The following AAK1 variants were observed in gnomAD, a reference collection of about 807,000 sequenced individuals.
AAK1 encodes AP2-associated protein kinase 1.
Under a neutral mutation model 116.0 loss-of-function variants are expected in AAK1, and 37 were observed. That is an observed-to-expected ratio of 0.32 (90% confidence interval 0.25 to 0.42). The LOEUF (loss-of-function observed/expected upper bound fraction) is 0.42, where lower values mean the gene tolerates loss of function less well. Ranked by LOEUF, AAK1 falls within the 10% of genes least tolerant of loss-of-function variation. AAK1 has a pLI of 1.00. For missense variants in AAK1, 919 were observed against 1,170.6 expected (o/e 0.79, Z 3.14); for synonymous variants, 458 against 439.9 (o/e 1.04, Z -0.51).
intron 16 of AAK1, among the ~76,000 whole-genome samples, chr2:69,497,295 CTTTTTTTTTTT>C (rs1176401016): frequency 1.6e-4 from 12 of 76,082 alleles, no homozygotes; most frequent in Admixed American, 1.5e-3. Context: ...CATTATCATT[CTTTTTTTTTTT>C]TTTTTTTTTT....
At chr2:69,564,051 G>A (rs1206030842) in intron 2 of AAK1, among the ~76,000 whole-genome samples, 2 of 152,126 alleles carry the variant, frequency 1.3e-5, no homozygotes, top group Non-Finnish European at 1.5e-5. Context: ...AATTAGCTGG[G>A]TGTGGTGGCG....
At chr2:69,505,130 C>T (rs1244377472) in intron 16 of AAK1, among the ~76,000 whole-genome samples, 1 of 96,762 alleles carries the variant, frequency 1.0e-5, no homozygotes, top group Non-Finnish European at 2.1e-5. Context: ...TGTGCGCACA[C>T]ACACCCACAC....
intron 12 of AAK1, among the ~76,000 whole-genome samples, 186 bp from the exon 13 acceptor site, chr2:69,514,935 T>A (rs12469876): frequency 0.36 from 54,884 of 151,996 alleles, 10,577 homozygotes; most frequent in East Asian, 0.53. Context: ...ACAGCAGCAG[T>A]CCCTTACACT....
chr2:69,476,255 T>C (rs1206452861), intron 21 of AAK1, among the ~76,000 whole-genome samples: 3 of 152,192 alleles, frequency 2.0e-5, no homozygotes, highest in African/African-American at 7.2e-5. Context: ...TCAATACTTT[T>C]TTTGGTTGAG....
In AAK1 at chr2:69,478,963, G is replaced by T. The variant is rs1385806196; in HGVS notation, c.2668C>A (p.Pro890Thr). 6.2e-7 allele frequency: 1 copy of T among 1,611,618 alleles called. No homozygotes were observed. Among genetic ancestry groups the T allele is most frequent in the Non-Finnish European group, 8.5e-7 (1 of 1,177,750 alleles). Residue 890 changes from proline (P) to threonine (T), a missense_variant, in exon 20 of 22, where the codon CCA (proline) becomes ACA (threonine). Physicochemically the swap from Pro to Thr is conservative, Grantham distance 38 (BLOSUM62 -1). Transcript: ENST00000409085. ...EEFAPTAISAPVHKAAEDSNL... is the reference protein window; with the variant it reads ...EEFAPTAISATVHKAAEDSNL... ...AGAAAGCATTTACCTTTATGGACTGGAGCAGAGATTGCTGTGGGGGCAAAC... is the reference window on the plus strand; with the variant it reads ...AGAAAGCATTTACCTTTATGGACTGTAGCAGAGATTGCTGTGGGGGCAAAC...
At position 69,476,980 on chromosome 2, in the gene AAK1, A is replaced by G. The variant is rs1430352111; in HGVS notation, c.2691T>C (p.Asp897=). Residue 897 remains aspartate, a synonymous_variant, in exon 21 of 22, where the codon GAT becomes GAC. Transcript: ENST00000409085. ...ISAPVHKAAE[D]SNLISGFDVP... is the part of the protein sequence containing the mutation. ...CATCAAAACCTGAGATGAGATTACT[A>G]TCTTCTGCAGCTTAATACAGAATGC... is the stretch of plus-strand genomic sequence containing the variant. 2.5e-6 allele frequency: 4 copies of G among 1,611,030 alleles called. No individual in the cohort carries two copies. The highest frequency in any genetic ancestry group is 1.7e-5 in the Admixed American group (1 of 59,786).
intron 19 of AAK1, among the ~76,000 whole-genome samples, chr2:69,479,997 C>T (rs974653916): frequency 2.0e-5 from 3 of 152,062 alleles, no homozygotes; most frequent in South Asian, 2.1e-4. Flanking sequence ...TCAGGTGATC[C>T]GCCCACTTCA....
At chr2:69,538,660 T>C (rs1670578559) in intron 5 of AAK1, among the ~76,000 whole-genome samples, 1 of 152,340 alleles carries the variant, frequency 6.6e-6, no homozygotes, top group African/African-American at 2.4e-5. Context: ...GGCAGGCGGA[T>C]CACTTGAGGT....
intron 2 of AAK1, among the ~76,000 whole-genome samples, chr2:69,601,823 G>A (rs192305726): frequency 6.6e-6 from 1 of 152,308 alleles, no homozygotes; most frequent in African/African-American, 2.4e-5. Context: ...GTAAATGAAA[G>A]TTTGATAAGG....
chr2:69,606,135 A>G (rs1673787335), intron 2 of AAK1, among the ~76,000 whole-genome samples: 1 of 152,226 alleles, frequency 6.6e-6, no homozygotes, highest in African/African-American at 2.4e-5. Flanking sequence ...TTTAAGGTTC[A>G]GCATAAATAT....
intron 3 of AAK1, 132 bp downstream of exon 3, chr2:69,556,728 G>A (rs1671401558): frequency 6.0e-6 from 4 of 663,556 alleles, no homozygotes; most frequent in Non-Finnish European, 1.1e-5. Context: ...TCCCATGGCT[G>A]TTGAGTCCCA....
rs984875291 is a variant in AAK1 at position 69,469,184 on chromosome 2, G to A, written c.*6685C>T. The A allele has an allele frequency of 6.9e-5, 68 of 985,234 alleles. No homozygotes were observed. The highest frequency in any genetic ancestry group is 1.1e-4 in the East Asian group (1 of 8,814). 61.0% of individuals were successfully genotyped at this position (985,234 alleles called of 1,614,324 possible). On this transcript the variant is annotated 3_prime_UTR_variant, in exon 22 of 22. Transcript: ENST00000409085. ...AGAGGAGGTACAGTGTGGCTGAGGC[G>A]GAGAGCAACCACACTTTGCAACTCT...
intron 2 of AAK1, among the ~76,000 whole-genome samples, chr2:69,631,301 C>A (rs953113071): frequency 3.3e-5 from 5 of 152,196 alleles, no homozygotes; most frequent in Non-Finnish European, 7.4e-5. Context: ...AAACATGCAG[C>A]AAACAAATTA....
chr2:69,486,595 C>T (rs1211489678), intron 17 of AAK1, among the ~76,000 whole-genome samples: 1 of 152,142 alleles, frequency 6.6e-6, no homozygotes, highest in African/African-American at 2.4e-5. Context: ...AGGACTCTCA[C>T]AGGGAAGGAA....
At position 69,465,635 on chromosome 2, in the gene AAK1, T is replaced by A; in HGVS notation, c.*10234A>T. On this transcript the variant is annotated 3_prime_UTR_variant, in exon 22 of 22. Coordinates refer to ENST00000409085, the MANE Select transcript of AAK1 (RefSeq NM_014911.5). Reference sequence around the variant, plus strand: ...GGCTATAGTGACGGGAATACTTGGATAAGGACTGGGGGCGGAATGGTTTGC... The same window carrying A: ...GGCTATAGTGACGGGAATACTTGGAAAAGGACTGGGGGCGGAATGGTTTGC... The A allele has an allele frequency of 7.7e-7, 1 of 1,290,932 alleles. No homozygotes were observed. Among genetic ancestry groups the A allele is most frequent in the South Asian group, 1.2e-5 (1 of 81,018 alleles). 80.0% of individuals were successfully genotyped at this position (1,290,932 alleles called of 1,614,324 possible). A position where few individuals can be genotyped will look rare whatever the true frequency, so the allele number is the denominator to read the frequency against.
chr2:69,543,583 T>G (rs1402018322), intron 4 of AAK1, among the ~76,000 whole-genome samples: 1 of 152,116 alleles, frequency 6.6e-6, no homozygotes, highest in East Asian at 1.9e-4. Context: ...AATTTTTGTA[T>G]TTTTAGTAGA....
At chr2:69,561,502 A>T (rs1055906844) in intron 2 of AAK1, among the ~76,000 whole-genome samples, 2 of 152,270 alleles carry the variant, frequency 1.3e-5, no homozygotes, top group Admixed American at 6.5e-5. Context: ...AACAGGAAAG[A>T]CATGCAGAAA....
At position 69,474,756 on chromosome 2, in the gene AAK1, G is replaced by A. The variant is rs1674790691; in HGVS notation, c.*1113C>T. 2.0e-6 allele frequency: 2 copies of A among 985,612 alleles called. No homozygotes were observed. Among genetic ancestry groups the A allele is most frequent in the Non-Finnish European group, 2.4e-6 (2 of 829,910 alleles). 61.1% of individuals were successfully genotyped at this position (985,612 alleles called of 1,614,324 possible). On this transcript the variant is annotated 3_prime_UTR_variant, in exon 22 of 22. Transcript: ENST00000409085. ...TATAGCACACAAGTCTATTCAAAAT[G>A]ATTCCATATGTTACACTGTAGGATT...
chr2:69,575,766 C>A (rs2105131091), intron 2 of AAK1, among the ~76,000 whole-genome samples: 1 of 152,236 alleles, frequency 6.6e-6, no homozygotes, highest in East Asian at 1.9e-4. Flanking sequence ...CCGTGCCCGG[C>A]CACAAATTTC....
Sources: allele counts gnomAD v4.1 joint callset (sites outside exome capture counted in the v4.1 genomes callset), GRCh38; gene constraint gnomAD v4.1.1; transcripts MANE v1.5; gene names NCBI Gene and HGNC (gene_info 2026-07-23, HGNC 2026-07-21).